The following FYB2 variants were observed in gnomAD, a reference collection of about 807,000 sequenced individuals.
FYB2 encodes FYN-binding protein 2.
In FYB2, 103 loss-of-function variants were observed where a neutral mutation model predicts 94.1. That is an observed-to-expected ratio of 1.09 (90% CI 0.93 to 1.29). The LOEUF (loss-of-function observed/expected upper bound fraction) is 1.29, where lower values mean the gene tolerates loss of function less well. Among genes scored for constraint, FYB2 ranks in the 50% most tolerant of loss-of-function variants. The pLI is 0.00. For missense variants in FYB2, 896 were observed against 841.5 expected (o/e 1.06, Z -0.80); for synonymous variants, 293 against 287.9 (o/e 1.02, Z -0.18).
chr1:56,777,648 A>T lies in FYB2; in HGVS notation c.953+9527T>A, dbSNP rs76829846. ...TTATTGAACAACTATTAAATGCTGT[A>T]TGCCCCCTTCCCCATATACACCTTA... On this transcript the variant is annotated intron_variant, in intron 4 of 19. Coordinates refer to ENST00000343433, the MANE Select transcript of FYB2 (RefSeq NM_001004303.5). 3.6e-3 allele frequency among the ~76,000 whole-genome samples: 548 copies of T among 152,204 alleles called. 5 individuals carry two copies. The highest frequency in any genetic ancestry group is 0.011 in the African/African-American group (469 of 41,514).
chr1:56,820,403 T>C (rs1646977630), upstream of FYB2, among the ~76,000 whole-genome samples: 3 of 152,248 alleles, frequency 2.0e-5, no homozygotes, highest in African/African-American at 7.2e-5. Context: ...GAGCTGGAGA[T>C]GGAAACCCAA....
chr1:56,745,580 C>T (rs1645049218), intron 9 of FYB2, among the ~76,000 whole-genome samples: 1 of 151,978 alleles, frequency 6.6e-6, no homozygotes, highest in African/African-American at 2.4e-5. Context: ...AGCAATTCTA[C>T]CATAGTATCC....
Position 56,746,284 on chromosome 1 carries a change from C to T in FYB2, c.1388-2018G>A, listed in dbSNP as rs563704537. On this transcript the variant is annotated intron_variant, in intron 9 of 19. Transcript: ENST00000343433. ...CGAATGATTTGAATGCATGTGTCTTCTCACTGGTGAATTTAGTGCATTACA... is the reference window on the plus strand; with the variant it reads ...CGAATGATTTGAATGCATGTGTCTTTTCACTGGTGAATTTAGTGCATTACA... 6.6e-5 allele frequency among the ~76,000 whole-genome samples: 10 copies of T among 152,112 alleles called. No individual in the cohort carries two copies. The South Asian group carries it at 2.1e-3, about 31-fold the overall frequency.
chr1:56,810,235 T>C (rs540818902), intron 1 of FYB2, among the ~76,000 whole-genome samples: 22 of 152,334 alleles, frequency 1.4e-4, no homozygotes, highest in Admixed American at 3.9e-4. Flanking sequence ...GGTGGCATTT[T>C]AGTTTCCAGT....
chr1:56,757,552 A>G (rs1645363393), intron 6 of FYB2, among the ~76,000 whole-genome samples: 1 of 152,052 alleles, frequency 6.6e-6, no homozygotes, highest in South Asian at 2.1e-4. Context: ...AGCATCTGCT[A>G]CTGCAGATAC....
At chr1:56,814,909 A>G (rs111328937) in intron 1 of FYB2, among the ~76,000 whole-genome samples, 8 of 152,312 alleles carry the variant, frequency 5.3e-5, no homozygotes, top group African/African-American at 1.9e-4. Flanking sequence ...GGTTCTGTCA[A>G]AAATAAGCCA....
chr1:56,753,049 C>G (rs1468440812), intron 8 of FYB2, among the ~76,000 whole-genome samples: 1 of 152,088 alleles, frequency 6.6e-6, no homozygotes, highest in Non-Finnish European at 1.5e-5. Flanking sequence ...CCAACATGGT[C>G]CAGCCCAACC....
At chr1:56,723,028 A>G (rs1644515437) in intron 17 of FYB2, among the ~76,000 whole-genome samples, 1 of 152,020 alleles carries the variant, frequency 6.6e-6, no homozygotes, top group South Asian at 2.1e-4. Flanking sequence ...GAAGGCAGAG[A>G]GCTTCGGATG....
intron 4 of FYB2, among the ~76,000 whole-genome samples, chr1:56,774,328 G>A (rs965794640): frequency 2.6e-5 from 4 of 152,102 alleles, no homozygotes; most frequent in African/African-American, 9.7e-5. Context: ...ATATGAGAAT[G>A]AAATGATATA....
In FYB2 at chr1:56,724,755, G is replaced by A. The variant is rs149060504; in HGVS notation, c.1881-1074C>T. Reference sequence around the variant, plus strand: ...CCTACACATTACAATGTCTACTTGGGTCATCTTAGAAAGTGGGTTATCCTT... The same window carrying A: ...CCTACACATTACAATGTCTACTTGGATCATCTTAGAAAGTGGGTTATCCTT... On this transcript the variant is annotated intron_variant, in intron 16 of 19. Transcript: ENST00000343433. Among the ~76,000 whole-genome samples the A allele has an allele frequency of 5.5e-4, 84 of 152,098 alleles. 1 individual carries two copies. The East Asian group carries it at 0.014, about 25-fold the overall frequency.
intron 1 of FYB2, among the ~76,000 whole-genome samples, chr1:56,813,470 G>A (rs1646812710): frequency 6.6e-6 from 1 of 152,154 alleles, no homozygotes; most frequent in Non-Finnish European, 1.5e-5. Flanking sequence ...CCACCCCCAT[G>A]ATTCAATTAC....
At chr1:56,770,806 C>T (rs935399313) in intron 4 of FYB2, among the ~76,000 whole-genome samples, 41 of 152,068 alleles carry the variant, frequency 2.7e-4, no homozygotes, top group African/African-American at 9.2e-4. Context: ...AAGACAAACC[C>T]ATAGAAAATT....
chr1:56,767,564 A>C (rs538375913), intron 5 of FYB2, among the ~76,000 whole-genome samples: 1 of 152,320 alleles, frequency 6.6e-6, no homozygotes, highest in South Asian at 2.1e-4. Flanking sequence ...TACAAAAGGC[A>C]AAGCAGCTGA....
intron 9 of FYB2, among the ~76,000 whole-genome samples, chr1:56,746,530 T>A (rs1645071297): frequency 6.6e-6 from 1 of 152,088 alleles, no homozygotes; most frequent in African/African-American, 2.4e-5. Context: ...TATTTTTGAA[T>A]GTTTTAATAA....
chr1:56,769,840 T>C (rs963750224), intron 4 of FYB2, among the ~76,000 whole-genome samples: 11 of 152,148 alleles, frequency 7.2e-5, no homozygotes, highest in Admixed American at 7.2e-4. Flanking sequence ...AGGTCAAGGA[T>C]TGTAATAAAT....
At chr1:56,740,017 T>A (rs1644915382) in intron 13 of FYB2, among the ~76,000 whole-genome samples, 1 of 152,060 alleles carries the variant, frequency 6.6e-6, no homozygotes, top group Non-Finnish European at 1.5e-5. Flanking sequence ...CCTTCCATTA[T>A]ATGCAGGAGA....
intron 4 of FYB2, among the ~76,000 whole-genome samples, chr1:56,785,239 A>G (rs1646106869): frequency 6.6e-6 from 1 of 152,174 alleles, no homozygotes; most frequent in Non-Finnish European, 1.5e-5. Context: ...TTAGATTAGA[A>G]CCAATCTGTA....
At chr1:56,801,662 C>A (rs1436557211) in intron 1 of FYB2, among the ~76,000 whole-genome samples, 5 of 152,220 alleles carry the variant, frequency 3.3e-5, no homozygotes. Flanking sequence ...ATCTTACCCA[C>A]TTGCCTTTTC....
At chr1:56,822,114 G>A (rs1460953914), upstream of FYB2, among the ~76,000 whole-genome samples, 1 of 152,170 alleles carries the variant, frequency 6.6e-6, no homozygotes, top group Non-Finnish European at 1.5e-5. Flanking sequence ...CCTACTGCCT[G>A]CTGGGATCAG....
Sources: allele counts gnomAD v4.1 joint callset (sites outside exome capture counted in the v4.1 genomes callset), GRCh38; gene constraint gnomAD v4.1.1; transcripts MANE v1.5; gene names NCBI Gene and HGNC (gene_info 2026-07-23, HGNC 2026-07-21).